TMEM165: variants seen among roughly 807,000 people sequenced by gnomAD.
TMEM165 encodes the protein putative divalent cation/proton antiporter TMEM165.
In TMEM165, 19 loss-of-function variants were observed where a neutral mutation model predicts 30.0. The ratio of observed to expected loss-of-function variants is 0.63; its 90% CI spans 0.44 to 0.93. TMEM165 has a LOEUF of 0.93. Ranked by LOEUF, TMEM165 falls within the 40% of genes least tolerant of loss-of-function variation. The probability of loss-of-function intolerance (pLI) is 0.00; values close to 1 mark genes in which losing one functional copy is unlikely to be tolerated. For missense variants in TMEM165, 340 were observed against 417.0 expected, an observed-to-expected ratio of 0.82 and a Z score of 1.61; for synonymous variants, 168 against 162.9, an observed-to-expected ratio of 1.03 and a Z score of -0.24.
At chr4:55,406,978 T>G (rs766090879) in intron 1 of TMEM165, among the ~76,000 whole-genome samples, 10 of 152,272 alleles carry the variant, frequency 6.6e-5, no homozygotes, top group Admixed American at 2.0e-4. Context: ...TTTTGTCTCT[T>G]TATTACAAAT....
At chr4:55,427,004 T>C (rs1722233331), downstream of TMEM165, among the ~76,000 whole-genome samples, 1 of 150,914 alleles carries the variant, frequency 6.6e-6, no homozygotes, top group Admixed American at 6.6e-5. Context: ...TGTTTGTTTG[T>C]TATAAAGAAA....
rs148436233 is a variant in TMEM165 at position 55,411,775 on chromosome 4, C to T, written c.369C>T (p.Arg123=). 8 of 1,614,082 alleles carry T rather than the reference C, an allele frequency of 5.0e-6. No homozygotes were observed. The African/African-American group carries it at 1.1e-4, about 22-fold the overall frequency. The change falls in exon 2 of 6, where the codon CGC becomes CGT. Residue 123 remains arginine (R), a synonymous_variant. Transcript: ENST00000381334. Reference sequence around the variant, plus strand: ...TTATAGCAGCCATCATGGCAATGCGCTATAACCGCCTGACCGTGCTGGCTG... The same window carrying T: ...TTATAGCAGCCATCATGGCAATGCGTTATAACCGCCTGACCGTGCTGGCTG... ...TFFIAAIMAM[R]YNRLTVLAGA...
At chr4:55,412,999 A>G (rs1174651687) in intron 2 of TMEM165, among the ~76,000 whole-genome samples, 1 of 151,748 alleles carries the variant, frequency 6.6e-6, no homozygotes, top group Non-Finnish European at 1.5e-5. Flanking sequence ...TTTTTTTTAG[A>G]GACTGAGTCT....
intron 3 of TMEM165, among the ~76,000 whole-genome samples, chr4:55,448,222 C>T (rs1724043698): frequency 6.6e-6 from 1 of 152,128 alleles, no homozygotes; most frequent in South Asian, 2.1e-4. Flanking sequence ...TTTGTACTGT[C>T]GGCATCTGCA....
At chr4:55,447,628 T>A (rs1183908941) in intron 3 of TMEM165, among the ~76,000 whole-genome samples, 1 of 152,194 alleles carries the variant, frequency 6.6e-6, no homozygotes, top group Non-Finnish European at 1.5e-5. Flanking sequence ...ATAGTAGGTA[T>A]CCTTTATTTC....
At chr4:55,449,468 C>T (rs746852954) in intron 3 of TMEM165, 63 of 1,613,838 alleles carry the variant, frequency 3.9e-5, no homozygotes, top group Non-Finnish European at 5.2e-5. Context: ...GTGGAGTGCT[C>T]GTATCCGTCG....
intron 3 of TMEM165, among the ~76,000 whole-genome samples, chr4:55,441,017 C>T (rs899377605): frequency 6.6e-6 from 1 of 152,196 alleles, no homozygotes; most frequent in Admixed American, 6.5e-5. Context: ...TCACTTCCTC[C>T]TTTCTAAAGA....
chr4:55,403,870 TCTC>T (rs1284300759), intron 1 of TMEM165, among the ~76,000 whole-genome samples: 1 of 152,216 alleles, frequency 6.6e-6, no homozygotes, highest in Admixed American at 6.5e-5. Context: ...ACGTTCCTAT[TCTC>T]CTCCCTCAGT....
At chr4:55,396,562 G>A (rs1720738635) in intron 1 of TMEM165, among the ~76,000 whole-genome samples, 166 bp downstream of exon 1, 1 of 152,210 alleles carries the variant, frequency 6.6e-6, no homozygotes, top group Admixed American at 6.5e-5. Context: ...TTCCGGTGAG[G>A]CCTGGTCTTG....
In TMEM165 at chr4:55,448,964, T is replaced by C. The variant is rs1341799097; in HGVS notation, c.409-3275T>C. On this transcript the variant is annotated intron_variant, in intron 3 of 3. Coordinates refer to the TMEM165 transcript ENST00000608091. ...CAATATGATATTCGTATTAATAAAC[T>C]TACCATTTGCCTCATACTTTTGTTA... is the stretch of plus-strand genomic sequence containing the variant. 7.1e-6 allele frequency: 7 copies of C among 989,968 alleles called. No homozygotes were observed. In the East Asian group the frequency reaches 1.6e-4, roughly 22 times the overall value. The allele number at this position is 989,968 out of a possible 1,614,324, so 61.3% of individuals were successfully genotyped here.
At chr4:55,422,018 G>A (rs1437688820) in intron 4 of TMEM165, among the ~76,000 whole-genome samples, 1 of 152,172 alleles carries the variant, frequency 6.6e-6, no homozygotes, top group Non-Finnish European at 1.5e-5. Flanking sequence ...CCTTGGCTCT[G>A]TTCTCCTTGC....
chr4:55,399,211 A>G (rs576415222), intron 1 of TMEM165: 3 of 152,348 alleles, frequency 2.0e-5, no homozygotes, highest in East Asian at 3.9e-4. Context: ...ATCATTTAAC[A>G]TGTGAAGCCA....
intron 4 of TMEM165, among the ~76,000 whole-genome samples, chr4:55,421,474 T>G (rs909790476): frequency 6.6e-6 from 1 of 151,870 alleles, no homozygotes; most frequent in Non-Finnish European, 1.5e-5. Flanking sequence ...AATTTTGTAT[T>G]TTTTGTAGAG....
chr4:55,403,497 T>C (rs1049549097), intron 1 of TMEM165, among the ~76,000 whole-genome samples: 4 of 143,508 alleles, frequency 2.8e-5, no homozygotes, highest in East Asian at 2.0e-4. Context: ...TTTTTCTTTT[T>C]CTTTTTTTTT....
chr4:55,417,872 A>C lies in TMEM165; in HGVS notation c.679A>C (p.Lys227Gln). ...ETGTSITVPQ[K>Q]KWLHFISPIF... ...GGGTACAAGCATAACAGTACCTCAG[A>C]AAAAGTGGTTGCATTTTATTTCACC... Residue 227 changes from lysine to glutamine, a missense_variant, in exon 4 of 6, where the codon AAA (lysine) becomes CAA (glutamine). Around this residue, in one of 2 missense-constraint regions of TMEM165, gnomAD observed 220 missense variants for 307.6 expected, o/e 0.72. Transcript: ENST00000381334. 1 of 1,614,134 alleles carries C rather than the reference A, an allele frequency of 6.2e-7. No individual in the cohort carries two copies. The highest frequency in any genetic ancestry group is 1.3e-5 in the African/African-American group (1 of 75,046).
intron 1 of TMEM165, among the ~76,000 whole-genome samples, chr4:55,402,431 ATATTTTTTTTTTTTTTTT>A (rs1721055506): frequency 3.2e-5 from 1 of 31,022 alleles, no homozygotes; most frequent in African/African-American, 1.5e-4. Context: ...ATATATATAT[ATATTTTTTTTTTTTTTTT>A]TTTTTTTTTT....
At chr4:55,444,670 T>C (rs1400686387) in intron 3 of TMEM165, 1 of 1,614,128 alleles carries the variant, frequency 6.2e-7, no homozygotes, top group South Asian at 1.1e-5. Flanking sequence ...AAGTTGTTCT[T>C]GAATTTTTCT....
chr4:55,401,539 T>C (rs1016119283), intron 1 of TMEM165, among the ~76,000 whole-genome samples: 1 of 150,778 alleles, frequency 6.6e-6, no homozygotes, highest in Non-Finnish European at 1.5e-5. Flanking sequence ...ACTCAGTGCC[T>C]GTTCTTGTTA....
In TMEM165 at chr4:55,396,326, C is replaced by G; in HGVS notation, c.137C>G (p.Pro46Arg). 6.6e-7 allele frequency: 1 copy of G among 1,518,562 alleles called. No individual in the cohort carries two copies. Among genetic ancestry groups the G allele is most frequent in the Non-Finnish European group, 8.8e-7 (1 of 1,138,136 alleles). The allele number at this position is 1,518,562 out of a possible 1,614,324, so 94.1% of individuals were successfully genotyped here. Residue 46 changes from proline to arginine, a missense_variant, in exon 1 of 6, where the codon CCG becomes CGG. Around this residue, in one of 2 missense-constraint regions of TMEM165, gnomAD observed 120 missense variants for 109.4 expected, o/e 1.10. Coordinates refer to ENST00000381334, the MANE Select transcript of TMEM165 (RefSeq NM_018475.5). ...DEDLSHRNKE[P>R]PAPAQQLQPQ... ...GACCTTAGCCACCGGAACAAAGAAC[C>G]GCCGGCGCCGGCCCAGCAGCTGCAG...
Sources: allele counts gnomAD v4.1 joint callset (sites outside exome capture counted in the v4.1 genomes callset), GRCh38; gene constraint gnomAD v4.1.1; regional missense constraint gnomAD v4.1.1; transcripts MANE v1.5; gene names NCBI Gene and HGNC (gene_info 2026-07-23, HGNC 2026-07-21).